Variants in SREBF1 observed in about 807,000 individuals in gnomAD.
SREBF1 encodes the protein sterol regulatory element binding transcription factor 1, also known as sterol regulatory element-binding protein 1.
A neutral mutation model predicts 100.1 loss-of-function variants in SREBF1; 45 were observed. The ratio of observed to expected loss-of-function variants is 0.45; its 90% CI spans 0.35 to 0.58. The LOEUF is 0.58. SREBF1 is among the 20% of genes least tolerant of loss of function. The probability of loss-of-function intolerance (pLI) is 0.00; values close to 1 mark genes in which losing one functional copy is unlikely to be tolerated. For synonymous variants in SREBF1, 657 were observed against 681.8 expected, an observed-to-expected ratio of 0.96 and a Z score of 0.57; for missense variants, 1,324 against 1,539.4, an observed-to-expected ratio of 0.86 and a Z score of 2.34.
chr17:17,823,616 GCGCGGCGGATTTT>G, intron 1 of SREBF1: 1 of 1,607,214 alleles, frequency 6.2e-7, no homozygotes, highest in Non-Finnish European at 8.5e-7. Context: ...ACCTGTCAAG[GCGCGGCGGATTTT>G]TGAAGCCGTT....
intron 6 of SREBF1, 34 bp downstream of exon 6, chr17:17,818,226 G>C: frequency 6.3e-7 from 1 of 1,577,668 alleles, no homozygotes; most frequent in Non-Finnish European, 8.7e-7. Context: ...CTAGAGAAGA[G>C]GCCAGACTGG....
At position 17,816,260 on chromosome 17, in the gene SREBF1, C is replaced by A; in HGVS notation, c.2161G>T (p.Ala721Ser). ...CTGGTCTTCACTCTCAATGCAGCCG[C>A]CACATAGATCTCGGCCAGCGTCGCC... ...SVATLAEIYV[A>S]AALRVKTSLP... The change falls in exon 11 of 19, where the codon GCG becomes TCG. Residue 721 changes from alanine to serine, a missense_variant. Coordinates refer to ENST00000261646, the MANE Select transcript of SREBF1 (RefSeq NM_004176.5). 1 of 1,585,244 alleles carries A rather than the reference C, an allele frequency of 6.3e-7. No individual in the cohort carries two copies. The highest frequency in any genetic ancestry group is 1.1e-5 in the South Asian group (1 of 89,006).
intron 1 of SREBF1, chr17:17,823,577 TTG>T (rs1188987928): frequency 6.2e-7 from 1 of 1,613,200 alleles, no homozygotes; most frequent in Non-Finnish European, 8.5e-7. Context: ...GTCCAGGCCG[TTG>T]GCCCTACCCC....
At chr17:17,813,039 G>A (rs1218436196) in intron 18 of SREBF1, 188 bp from the exon 19 acceptor site, 6 of 611,066 alleles carry the variant, frequency 9.8e-6, no homozygotes, top group Admixed American at 3.0e-5. Context: ...ACTGAGTCAC[G>A]CACGTGCAGT....
chr17:17,820,633 G>A (rs2034031855), intron 1 of SREBF1, 112 bp from the exon 2 acceptor site: 4 of 1,197,892 alleles, frequency 3.3e-6, no homozygotes, highest in East Asian at 2.5e-5. Context: ...GCACACAGCT[G>A]TATGTGTGGG....
chr17:17,812,931 G>T (rs535545433), intron 18 of SREBF1, 80 bp from the exon 19 acceptor site: 164 of 1,314,854 alleles, frequency 1.2e-4, no homozygotes, highest in Non-Finnish European at 1.2e-4. Context: ...CACAAGCCAC[G>T]GCACCAGCCG....
chr17:17,829,205 A>AAAAAAAAAAAAAAAATATATATAT (rs1210718799), intron 1 of SREBF1, among the ~76,000 whole-genome samples: 1 of 65,872 alleles, frequency 1.5e-5, no homozygotes, highest in African/African-American at 8.8e-5. Flanking sequence ...AAAAAAAAAA[A>AAAAAAAAAAAAAAAATATATATAT]ATATATATAT....
chr17:17,824,517 G>T lies in SREBF1; in HGVS notation c.92-3996C>A, dbSNP rs1320596901. The stretch of plus-strand genomic sequence containing the variant: ...TAGGACAGAAGATGGGTAAGGAAGG[G>T]GTGACAGGCTCTAGGGTTCTTTTGA... On this transcript the variant is annotated intron_variant, in intron 1 of 18. Coordinates refer to ENST00000261646, the MANE Select transcript of SREBF1 (RefSeq NM_004176.5). The surrounding 1 kb of genome is among the most constrained non-coding windows in gnomAD (Gnocchi z 4.2). 6.6e-6 allele frequency among the ~76,000 whole-genome samples: 1 copy of T among 152,186 alleles called. No homozygotes were observed. Among genetic ancestry groups the T allele is most frequent in the Non-Finnish European group, 1.5e-5 (1 of 68,022 alleles).
chr17:17,821,575 G>A (rs912163836), intron 1 of SREBF1, among the ~76,000 whole-genome samples: 2 of 152,190 alleles, frequency 1.3e-5, no homozygotes, highest in African/African-American at 4.8e-5. Flanking sequence ...CTTAGAAACT[G>A]CTGAGGAGTG....
intron 1 of SREBF1, among the ~76,000 whole-genome samples, chr17:17,826,449 G>A (rs544754322): frequency 5.5e-4 from 84 of 152,176 alleles, no homozygotes; most frequent in Admixed American, 1.2e-3. Flanking sequence ...CCCAAATTGC[G>A]GCCCACCCAT....
At chr17:17,823,282 G>A (rs1289148800) in intron 1 of SREBF1, among the ~76,000 whole-genome samples, 1 of 152,182 alleles carries the variant, frequency 6.6e-6, no homozygotes, top group Admixed American at 6.5e-5. Flanking sequence ...TCTTAGGTCG[G>A]GATGCTGCTT....
At chr17:17,834,976 T>C (rs2143231314) in intron 1 of SREBF1, among the ~76,000 whole-genome samples, 1 of 152,200 alleles carries the variant, frequency 6.6e-6, no homozygotes, top group Admixed American at 6.5e-5. Context: ...ATTGCGCCAC[T>C]GCAGAAAACA....
chr17:17,813,036 C>T (rs2033096007), intron 18 of SREBF1, 185 bp from the exon 19 acceptor site: 1 of 612,946 alleles, frequency 1.6e-6, no homozygotes, highest in African/African-American at 1.9e-5. Flanking sequence ...CAGACTGAGT[C>T]ACGCACGTGC....
chr17:17,825,497 G>A (rs1227035312), intron 1 of SREBF1, among the ~76,000 whole-genome samples: 1 of 152,186 alleles, frequency 6.6e-6, no homozygotes, highest in Non-Finnish European at 1.5e-5. Flanking sequence ...ATGCCCCGAG[G>A]AAGGGGGAAG....
chr17:17,816,402 G>C (rs1460507408), intron 10 of SREBF1, 29 bp from the exon 11 acceptor site: 2 of 1,597,506 alleles, frequency 1.3e-6, no homozygotes, highest in Non-Finnish European at 1.7e-6. Flanking sequence ...TGAGGCTGTG[G>C]GTGGAGCACA....
Position 17,836,939 on chromosome 17 carries a change from C to T in SREBF1, c.-122G>A. The T allele has an allele frequency of 2.2e-6, 2 of 915,922 alleles. No individual in the cohort carries two copies. Among genetic ancestry groups the T allele is most frequent in the Non-Finnish European group, 3.0e-6 (2 of 661,306 alleles). The allele number at this position is 915,922 out of a possible 1,614,324, so 56.7% of individuals were successfully genotyped here. Reference sequence around the variant, plus strand: ...GCCGCTCCGCGCGTTCGTGTCCTGCCCTGGCCTCAGAGGCGGCCCGGCGCC... The same window carrying T: ...GCCGCTCCGCGCGTTCGTGTCCTGCTCTGGCCTCAGAGGCGGCCCGGCGCC... On this transcript the variant is annotated 5_prime_UTR_variant, in exon 1 of 19. Coordinates refer to ENST00000261646, the MANE Select transcript of SREBF1 (RefSeq NM_004176.5).
intron 1 of SREBF1, among the ~76,000 whole-genome samples, chr17:17,823,862 G>A (rs1055220186): frequency 1.3e-5 from 2 of 152,030 alleles, no homozygotes; most frequent in African/African-American, 2.4e-5. Context: ...ACCCCGCGGC[G>A]CTGAATGGGG....
At chr17:17,818,218 A>C in intron 6 of SREBF1, 42 bp downstream of exon 6, 12 of 1,551,340 alleles carry the variant, frequency 7.7e-6, no homozygotes, top group South Asian at 1.1e-5. Flanking sequence ...GAGCAAGGCT[A>C]GAGAAGAGGC....
At chr17:17,826,819 G>A (rs557905824) in intron 1 of SREBF1, among the ~76,000 whole-genome samples, 3 of 152,348 alleles carry the variant, frequency 2.0e-5, no homozygotes, top group African/African-American at 7.2e-5. Flanking sequence ...TCCTGGGCAG[G>A]CCTCATGGCA....
Sources: allele counts gnomAD v4.1 joint callset (sites outside exome capture counted in the v4.1 genomes callset), GRCh38; gene constraint gnomAD v4.1.1; non-coding constraint Gnocchi (gnomAD v3.1); transcripts MANE v1.5; gene names NCBI Gene and HGNC (gene_info 2026-07-23, HGNC 2026-07-21).